TBC1D4: variants seen among roughly 807,000 people sequenced by gnomAD.
The protein encoded by TBC1D4 is TBC1 domain family member 4.
In TBC1D4, 121 loss-of-function variants were observed where a neutral mutation model predicts 142.5. The ratio of observed to expected loss-of-function variants is 0.85; its 90% CI spans 0.73 to 0.99. The LOEUF (loss-of-function observed/expected upper bound fraction) is 0.99, where lower values mean the gene tolerates loss of function less well. Among genes scored for constraint, TBC1D4 ranks in the 50% least tolerant of loss-of-function variants. The probability of loss-of-function intolerance (pLI) is 0.00; values close to 1 mark genes in which losing one functional copy is unlikely to be tolerated. For synonymous variants in TBC1D4, 630 were observed against 628.2 expected (o/e 1.00, Z -0.04); for missense variants, 1,475 against 1,606.6 (o/e 0.92, Z 1.40).
chr13:75,447,623 T>C (rs1887345917), intron 1 of TBC1D4, among the ~76,000 whole-genome samples: 2 of 151,794 alleles, frequency 1.3e-5, no homozygotes, highest in South Asian at 4.2e-4. Flanking sequence ...ATAAAAACAG[T>C]ACTGGTCAGT....
At chr13:75,360,751 T>TA (rs879469619) in intron 2 of TBC1D4, among the ~76,000 whole-genome samples, 3 of 152,194 alleles carry the variant, frequency 2.0e-5, no homozygotes, top group African/African-American at 7.2e-5. Context: ...AAAATGTTTG[T>TA]AAGTGTTGCC....
intron 5 of TBC1D4, among the ~76,000 whole-genome samples, chr13:75,348,631 A>AT (rs1881341445): frequency 6.6e-6 from 1 of 152,194 alleles, no homozygotes; most frequent in Non-Finnish European, 1.5e-5. Context: ...CTCAGAACAT[A>AT]TTAAAAAAAA....
chr13:75,347,766 T>C (rs1159997845), intron 5 of TBC1D4, among the ~76,000 whole-genome samples: 5 of 152,222 alleles, frequency 3.3e-5, no homozygotes, highest in African/African-American at 1.2e-4. Context: ...GTTCCATTTT[T>C]TTAAATGCTT....
Position 75,326,393 on chromosome 13 carries a change from TCCCTGGTGGAGAATC to T in TBC1D4, c.1822_1836del (p.Asp608_Gly612del), listed in dbSNP as rs749327363. The T allele has an allele frequency of 6.2e-7, 1 of 1,614,058 alleles. No individual in the cohort carries two copies. The highest frequency in any genetic ancestry group is 2.2e-5 in the East Asian group (1 of 44,850). ...GAGGACGGTGGGGACGCTGGCGGTG[TCCCTGGTGGAGAATC>T]CCCTGGTGAGTAGTCCTGAAACACA... On this transcript the variant is annotated inframe_deletion, in exon 10 of 21. Coordinates refer to ENST00000377636, the MANE Select transcript of TBC1D4 (RefSeq NM_014832.5).
intron 1 of TBC1D4, among the ~76,000 whole-genome samples, chr13:75,438,175 G>A (rs1296678417): frequency 6.6e-6 from 1 of 152,080 alleles, no homozygotes; most frequent in Non-Finnish European, 1.5e-5. Context: ...CTTCCCTCTT[G>A]AAGCATATCA....
intron 1 of TBC1D4, among the ~76,000 whole-genome samples, chr13:75,407,679 A>C (rs1006178382): frequency 6.6e-6 from 1 of 152,166 alleles, no homozygotes; most frequent in Non-Finnish European, 1.5e-5. Context: ...ACAGGTACTC[A>C]TTGTCAATCA....
chr13:75,397,416 G>A (rs1884851743), intron 1 of TBC1D4, among the ~76,000 whole-genome samples: 1 of 152,094 alleles, frequency 6.6e-6, no homozygotes, highest in Non-Finnish European at 1.5e-5. Context: ...GAAAAGAGAA[G>A]GAAAGGCAGT....
intron 14 of TBC1D4, among the ~76,000 whole-genome samples, chr13:75,308,214 C>G (rs183792463): frequency 6.6e-6 from 1 of 152,258 alleles, no homozygotes; most frequent in Non-Finnish European, 1.5e-5. Context: ...AACAGAGAAC[C>G]GATGAAGGTT....
intron 8 of TBC1D4, 32 bp from the exon 9 acceptor site, chr13:75,327,858 T>C (rs781227793): frequency 1.2e-6 from 2 of 1,609,602 alleles, no homozygotes; most frequent in Admixed American, 3.3e-5. Flanking sequence ...AAGTGCTTCG[T>C]GTGATTTAAA....
At chr13:75,400,129 G>T (rs1156958208) in intron 1 of TBC1D4, among the ~76,000 whole-genome samples, 1 of 152,198 alleles carries the variant, frequency 6.6e-6, no homozygotes, top group Non-Finnish European at 1.5e-5. Flanking sequence ...AACTGCTGTT[G>T]ATTTAAGCCA....
Position 75,349,192 on chromosome 13 carries a change from A to G in TBC1D4, c.1386T>C (p.His462=), listed in dbSNP as rs1265107549. Residue 462 remains histidine (H), a synonymous_variant, in exon 5 of 21, where the codon CAT becomes CAC. Transcript: ENST00000377636. Reference sequence around the variant, plus strand: ...TACCTTCAATCCTTTCACAGAGCTTATGCAAAGAGTGCATCGGGCAGGCCT... The same window carrying G: ...TACCTTCAATCCTTTCACAGAGCTTGTGCAAAGAGTGCATCGGGCAGGCCT... ...LCEACPMHSL[H]KLCERIEGLY... 1 of 1,614,084 alleles carries G rather than the reference A, an allele frequency of 6.2e-7. No homozygotes were observed. The highest frequency in any genetic ancestry group is 8.5e-7 in the Non-Finnish European group (1 of 1,179,952).
intron 1 of TBC1D4, among the ~76,000 whole-genome samples, chr13:75,386,398 T>C (rs1297761080): frequency 2.0e-5 from 3 of 151,394 alleles, no homozygotes; most frequent in African/African-American, 7.3e-5. Flanking sequence ...TTTTCTTTTT[T>C]TTTTTTTTCA....
intron 15 of TBC1D4, among the ~76,000 whole-genome samples, chr13:75,305,919 T>C (rs370557322): frequency 6.6e-6 from 1 of 152,168 alleles, no homozygotes; most frequent in Admixed American, 6.5e-5. Flanking sequence ...AGCCAGAATA[T>C]AAATCTATAC....
rs541434715 is a variant in TBC1D4, at chr13:75,360,480, G to A, written c.1081-622C>T. Among the ~76,000 whole-genome samples the A allele has an allele frequency of 6.5e-4, 88 of 135,244 alleles. 1 individual carries two copies. Among genetic ancestry groups the A allele is most frequent in the South Asian group, 5.2e-4 (2 of 3,822 alleles). The allele number at this position is 135,244 out of a possible 152,430, so 88.7% of individuals were successfully genotyped here. On this transcript the variant is annotated intron_variant, in intron 2 of 20. Transcript: ENST00000377636. ...AACTTCCAGGGGTCAAGGCTGTAGT[G>A]AGCTGTGATCACACTGCTGCACTCC...
chr13:75,343,281 A>G (rs913843241), intron 5 of TBC1D4, among the ~76,000 whole-genome samples: 21 of 152,356 alleles, frequency 1.4e-4, no homozygotes, highest in African/African-American at 4.3e-4. Flanking sequence ...AATTCACTTC[A>G]CACTTGCCAG....
intron 2 of TBC1D4, among the ~76,000 whole-genome samples, chr13:75,361,399 G>A (rs1263028143): frequency 1.3e-5 from 2 of 151,984 alleles, no homozygotes; most frequent in African/African-American, 4.8e-5. Context: ...TGTTGTTGTT[G>A]AGATGGAGTC....
intron 1 of TBC1D4, among the ~76,000 whole-genome samples, chr13:75,439,826 C>T (rs763539634): frequency 2.7e-5 from 4 of 150,326 alleles, no homozygotes; most frequent in Non-Finnish European, 5.9e-5. Flanking sequence ...CACTTGAACC[C>T]GGGAGGCAGA....
At chr13:75,328,537 A>G (rs1879470758) in intron 8 of TBC1D4, among the ~76,000 whole-genome samples, 1 of 152,190 alleles carries the variant, frequency 6.6e-6, no homozygotes. Flanking sequence ...CACTTTAAAT[A>G]GGAAGAAACT....
At chr13:75,444,849 TCTA>T (rs1386396744) in intron 1 of TBC1D4, among the ~76,000 whole-genome samples, 1 of 152,252 alleles carries the variant, frequency 6.6e-6, no homozygotes, top group Non-Finnish European at 1.5e-5. Context: ...TCTACATTTC[TCTA>T]CTTTTTATTT....
Sources: gnomAD v4.1 joint callset for allele counts (sites outside exome capture counted in the v4.1 genomes callset) on GRCh38, gnomAD v4.1.1 for gene constraint, MANE v1.5 for transcripts, NCBI Gene and HGNC (gene_info 2026-07-23, HGNC 2026-07-21) for gene names.